Variants in TEC observed in about 807,000 individuals in gnomAD.
TEC encodes the protein tec protein tyrosine kinase.
In TEC, 72 loss-of-function variants were observed where a neutral mutation model predicts 93.0. That is an observed-to-expected ratio of 0.77 (90% CI 0.64 to 0.94). TEC has a LOEUF of 0.94. Among genes scored for constraint, TEC ranks in the 40% least tolerant of loss-of-function variants. The pLI, the probability that TEC is intolerant of heterozygous loss-of-function variation, is 0.00. For missense variants in TEC, 630 were observed against 757.9 expected, an observed-to-expected ratio of 0.83 and a Z score of 1.98; for synonymous variants, 249 against 247.7, an observed-to-expected ratio of 1.01 and a Z score of -0.05.
intron 2 of TEC, among the ~76,000 whole-genome samples, chr4:48,177,894 C>T (rs577163140): frequency 8.5e-5 from 13 of 152,294 alleles, no homozygotes; most frequent in African/African-American, 3.1e-4. Context: ...TTGCCTGCCG[C>T]CATGTAAGAT....
intron 2 of TEC, among the ~76,000 whole-genome samples, chr4:48,187,093 T>C (rs1461068685): frequency 1.3e-5 from 2 of 152,156 alleles, no homozygotes; most frequent in Non-Finnish European, 2.9e-5. Context: ...CTAAGAAAAA[T>C]TCTTCTGCCT....
At chr4:48,180,557 G>T (rs1440201491) in intron 2 of TEC, among the ~76,000 whole-genome samples, 1 of 152,098 alleles carries the variant, frequency 6.6e-6, no homozygotes, top group Non-Finnish European at 1.5e-5. Flanking sequence ...GTGATATTTT[G>T]ATTTTATTTT....
At chr4:48,183,900 G>T (rs1721696918) in intron 2 of TEC, among the ~76,000 whole-genome samples, 1 of 152,136 alleles carries the variant, frequency 6.6e-6, no homozygotes, top group South Asian at 2.1e-4. Context: ...GAAGTTGCAG[G>T]AAACTGAGCA....
chr4:48,145,594 G>A lies in TEC; in HGVS notation c.1082-15C>T, dbSNP rs368957454. 93 of 1,612,882 alleles carry A rather than the reference G, an allele frequency of 5.8e-5. No homozygotes were observed. The African/African-American group carries it at 1.0e-3, about 18-fold the overall frequency. ...CTCCCATTTCTCTGCAGGACAGAAA[G>A]TGAAAGTGTTCATATTTAAAAAGGA... On this transcript the variant is annotated splice_polypyrimidine_tract_variant and intron_variant, in intron 12 of 17. Transcript: ENST00000381501.
intron 1 of TEC, among the ~76,000 whole-genome samples, chr4:48,256,306 G>A (rs982346039): frequency 2.6e-5 from 4 of 152,022 alleles, no homozygotes; most frequent in East Asian, 1.9e-4. Flanking sequence ...CTCTGTGGCC[G>A]GGCACGGTGG....
At chr4:48,193,787 T>TTTTTA (rs398107287) in intron 2 of TEC, among the ~76,000 whole-genome samples, 2 of 151,788 alleles carry the variant, frequency 1.3e-5, no homozygotes, top group African/African-American at 4.8e-5. Flanking sequence ...GTTTTTTTTT[T>TTTTTA]AATGATACTT....
intron 1 of TEC, among the ~76,000 whole-genome samples, chr4:48,235,194 A>G (rs1723752779): frequency 6.6e-6 from 1 of 152,100 alleles, no homozygotes; most frequent in Admixed American, 6.5e-5. Context: ...TTCTGTTTTC[A>G]GGGGGGAAAA....
chr4:48,179,430 C>T (rs1221865513), intron 2 of TEC, among the ~76,000 whole-genome samples: 1 of 122,352 alleles, frequency 8.2e-6, no homozygotes, highest in Non-Finnish European at 1.6e-5. Context: ...GTCACCCAGG[C>T]TGGAGTGGAG....
chr4:48,150,974 A>C, intron 9 of TEC, 32 bp from the exon 10 acceptor site: 1 of 1,382,986 alleles, frequency 7.2e-7, no homozygotes, highest in Non-Finnish European at 1.0e-6. Flanking sequence ...AATTTTTTTT[A>C]CTCTAATTAC....
chr4:48,220,739 A>G (rs1723232997), intron 2 of TEC, among the ~76,000 whole-genome samples: 1 of 152,172 alleles, frequency 6.6e-6, no homozygotes, highest in African/African-American at 2.4e-5. Context: ...TACCTCTCCT[A>G]TACTCTCTCA....
intron 2 of TEC, among the ~76,000 whole-genome samples, chr4:48,196,443 A>G (rs1722304070): frequency 6.6e-6 from 1 of 152,212 alleles, no homozygotes; most frequent in Non-Finnish European, 1.5e-5. Flanking sequence ...CCAGAACTTC[A>G]TATGATTGCA....
At chr4:48,205,068 A>G (rs528313899) in intron 2 of TEC, among the ~76,000 whole-genome samples, 1 of 152,362 alleles carries the variant, frequency 6.6e-6, no homozygotes, top group Non-Finnish European at 1.5e-5. Context: ...TCATTGACTT[A>G]GTTAATTAAG....
chr4:48,187,799 A>G (rs1178856242), intron 2 of TEC, among the ~76,000 whole-genome samples: 1 of 152,254 alleles, frequency 6.6e-6, no homozygotes, highest in Non-Finnish European at 1.5e-5. Flanking sequence ...TTGTGTAAAA[A>G]TAAATGTATA....
intron 2 of TEC, among the ~76,000 whole-genome samples, chr4:48,225,042 G>A (rs559150177): frequency 6.6e-6 from 1 of 152,068 alleles, no homozygotes; most frequent in Admixed American, 6.5e-5. Flanking sequence ...AATATCTCTA[G>A]GGCTATTTTA....
At chr4:48,203,071 T>C (rs1722584923) in intron 2 of TEC, among the ~76,000 whole-genome samples, 1 of 152,164 alleles carries the variant, frequency 6.6e-6, no homozygotes. Context: ...TAAAAAGAAC[T>C]TGGATTTTAT....
intron 2 of TEC, among the ~76,000 whole-genome samples, chr4:48,192,826 A>G (rs1722139113): frequency 6.6e-6 from 1 of 152,222 alleles, no homozygotes; most frequent in African/African-American, 2.4e-5. Context: ...ATGAGTAATA[A>G]ATAAAATAAA....
intron 2 of TEC, among the ~76,000 whole-genome samples, chr4:48,217,830 T>C (rs1373859656): frequency 6.6e-6 from 1 of 151,660 alleles, no homozygotes; most frequent in Non-Finnish European, 1.5e-5. Context: ...AATAATAGTA[T>C]ATCAATGTTA....
At chr4:48,139,665 TA>T (rs2109500474) in intron 15 of TEC, among the ~76,000 whole-genome samples, 1 of 152,348 alleles carries the variant, frequency 6.6e-6, no homozygotes, top group South Asian at 2.1e-4. Flanking sequence ...CAAAAACTGG[TA>T]ACAGTAGCTA....
intron 5 of TEC, among the ~76,000 whole-genome samples, chr4:48,169,716 A>C (rs143925549): frequency 1.6e-3 from 250 of 152,344 alleles, no homozygotes; most frequent in African/African-American, 5.9e-3. Context: ...CTTATGACTA[A>C]GGGTCTCTCA....
Sources: allele counts gnomAD v4.1 joint callset (sites outside exome capture counted in the v4.1 genomes callset), GRCh38; gene constraint gnomAD v4.1.1; transcripts MANE v1.5; gene names NCBI Gene and HGNC (gene_info 2026-07-23, HGNC 2026-07-21).